The following OXR1 variants were observed in gnomAD, a reference collection of about 807,000 sequenced individuals.
The protein encoded by OXR1 is oxidation resistance protein 1.
A neutral mutation model predicts 104.6 loss-of-function variants in OXR1; 41 were observed. The observed-to-expected ratio is 0.39, with a 90% CI of 0.31 to 0.51. The LOEUF (loss-of-function observed/expected upper bound fraction) is 0.51. OXR1 is among the 20% of genes least tolerant of loss of function. The pLI, the probability that OXR1 is intolerant of heterozygous loss-of-function variation, is 0.77. For missense variants in OXR1, 955 were observed against 1,031.9 expected, an observed-to-expected ratio of 0.93 and a Z score of 1.02; for synonymous variants, 348 against 348.4, an observed-to-expected ratio of 1.00 and a Z score of 0.01.
At chr8:106,512,712 C>T (rs922385742) in intron 2 of OXR1, among the ~76,000 whole-genome samples, 1 of 151,958 alleles carries the variant, frequency 6.6e-6, no homozygotes, top group Non-Finnish European at 1.5e-5. Flanking sequence ...AGATGAAAAG[C>T]ATTGCTTGGT....
chr8:106,279,542 T>TA (rs980964538), intron 1 of OXR1, among the ~76,000 whole-genome samples: 1 of 152,194 alleles, frequency 6.6e-6, no homozygotes, highest in Non-Finnish European at 1.5e-5. Context: ...TATGCACTTT[T>TA]AAAAAGTTTT....
At chr8:106,626,951 T>C (rs1822222795) in intron 3 of OXR1, among the ~76,000 whole-genome samples, 2 of 152,088 alleles carry the variant, frequency 1.3e-5, no homozygotes, top group Admixed American at 6.6e-5. Context: ...CTGAAAAATA[T>C]GAAATGCTTG....
chr8:106,704,873 A>C (rs1008901799), intron 8 of OXR1, among the ~76,000 whole-genome samples: 2 of 152,136 alleles, frequency 1.3e-5, no homozygotes, highest in African/African-American at 4.8e-5. Flanking sequence ...TTCAGAAAGA[A>C]ATATCTTTAA....
At chr8:106,292,901 A>G (rs1420224165) in intron 1 of OXR1, among the ~76,000 whole-genome samples, 1 of 152,244 alleles carries the variant, frequency 6.6e-6, no homozygotes, top group Non-Finnish European at 1.5e-5. Context: ...GCTTTCAGGA[A>G]GCTTCGCCCT....
intron 11 of OXR1, 75 bp downstream of exon 11, chr8:106,714,060 TATAAGTG>T: frequency 8.8e-7 from 1 of 1,133,874 alleles, no homozygotes; most frequent in Non-Finnish European, 1.2e-6. Flanking sequence ...TAGTACAAAG[TATAAGTG>T]ATGTTTCCAC....
intron 3 of OXR1, among the ~76,000 whole-genome samples, chr8:106,612,879 G>C (rs1317977687): frequency 6.6e-6 from 1 of 152,070 alleles, no homozygotes; most frequent in Non-Finnish European, 1.5e-5. Context: ...GGTGGGTTAA[G>C]TAATTGGCCC....
chr8:106,522,301 A>G (rs1813320370), intron 3 of OXR1, among the ~76,000 whole-genome samples: 1 of 152,190 alleles, frequency 6.6e-6, no homozygotes, highest in South Asian at 2.1e-4. Context: ...TATGCATATA[A>G]CCTATGCACA....
At chr8:106,629,865 T>C (rs1822514276) in intron 3 of OXR1, among the ~76,000 whole-genome samples, 1 of 152,192 alleles carries the variant, frequency 6.6e-6, no homozygotes, top group Non-Finnish European at 1.5e-5. Context: ...TCAACAACTA[T>C]AAGGTCCAAA....
chr8:106,297,994 C>T (rs776933150), intron 1 of OXR1, among the ~76,000 whole-genome samples: 9 of 152,096 alleles, frequency 5.9e-5, no homozygotes, highest in Non-Finnish European at 1.0e-4. Context: ...AATGATCTGG[C>T]GACAAACCAA....
chr8:106,648,669 A>G (rs555275658), intron 3 of OXR1, among the ~76,000 whole-genome samples: 1 of 152,348 alleles, frequency 6.6e-6, no homozygotes, highest in Admixed American at 6.5e-5. Context: ...ACCTACATAT[A>G]GTAGTGCACA....
chr8:106,503,595 G>C (rs774956384), intron 2 of OXR1, among the ~76,000 whole-genome samples: 9 of 152,184 alleles, frequency 5.9e-5, no homozygotes, highest in Non-Finnish European at 1.3e-4. Context: ...AAAGAGCTTG[G>C]GGGAAACAAT....
At chr8:106,601,024 C>T (rs1819930500) in intron 3 of OXR1, among the ~76,000 whole-genome samples, 1 of 152,084 alleles carries the variant, frequency 6.6e-6, no homozygotes, top group Non-Finnish European at 1.5e-5. Flanking sequence ...CAGGAGGTAG[C>T]CAGATCATGC....
chr8:106,692,662 A>T, intron 6 of OXR1, 66 bp from the exon 7 acceptor site: 1 of 986,296 alleles, frequency 1.0e-6, no homozygotes, highest in Non-Finnish European at 1.4e-6. Flanking sequence ...TTGACTTTTT[A>T]ATAGTGTGCT....
chr8:106,388,020 AG>A (rs1817447309), intron 2 of OXR1, among the ~76,000 whole-genome samples: 1 of 152,208 alleles, frequency 6.6e-6, no homozygotes, highest in African/African-American at 2.4e-5. Context: ...TATGCTTTCC[AG>A]GGGTAAATCC....
chr8:106,707,240 C>T, intron 9 of OXR1, 95 bp downstream of exon 9: 8 of 1,051,670 alleles, frequency 7.6e-6, no homozygotes, highest in Non-Finnish European at 1.2e-5. Context: ...CTTAGGGCAA[C>T]CTGAAGGATA....
chr8:106,485,242 G>C (rs184435626), intron 2 of OXR1, among the ~76,000 whole-genome samples: 7 of 152,152 alleles, frequency 4.6e-5, no homozygotes, highest in Admixed American at 4.6e-4. Context: ...TACAATGTTG[G>C]ATACACATCA....
At chr8:106,336,186 C>G (rs1384124315) in intron 1 of OXR1, among the ~76,000 whole-genome samples, 2 of 152,180 alleles carry the variant, frequency 1.3e-5, no homozygotes, top group Non-Finnish European at 2.9e-5. Flanking sequence ...GGTGGCAGGG[C>G]TAGCCAAAAT....
intron 3 of OXR1, among the ~76,000 whole-genome samples, chr8:106,588,551 G>A (rs940660409): frequency 2.3e-4 from 35 of 150,662 alleles, no homozygotes; most frequent in African/African-American, 7.1e-4. Flanking sequence ...GCAGTGGCGC[G>A]ATCTTGGCTC....
At chr8:106,405,782 A>G (rs533815588) in intron 2 of OXR1, among the ~76,000 whole-genome samples, 2 of 152,302 alleles carry the variant, frequency 1.3e-5, no homozygotes, top group South Asian at 4.1e-4. Context: ...TTAGACAAAC[A>G]AACAAACAAA....
Sources: allele counts gnomAD v4.1 joint callset (sites outside exome capture counted in the v4.1 genomes callset), GRCh38; gene constraint gnomAD v4.1.1; transcripts MANE v1.5; gene names NCBI Gene and HGNC (gene_info 2026-07-23, HGNC 2026-07-21).